Variants in FBXO36 observed in about 807,000 individuals in gnomAD.
FBXO36 encodes the protein F-box protein 36.
In FBXO36, 18 loss-of-function variants were observed where a neutral mutation model predicts 17.0. The ratio of observed to expected loss-of-function variants is 1.06; its 90% CI spans 0.73 to 1.57. The LOEUF (loss-of-function observed/expected upper bound fraction) is 1.57. FBXO36 is among the 40% of genes most tolerant of loss of function. The probability of loss-of-function intolerance (pLI) is 0.00; values close to 1 mark genes in which losing one functional copy is unlikely to be tolerated. For missense variants in FBXO36, 229 were observed against 221.9 expected (o/e 1.03, Z -0.20); for synonymous variants, 83 against 85.3 (o/e 0.97, Z 0.15).
intron 1 of FBXO36, among the ~76,000 whole-genome samples, chr2:229,925,528 A>T (rs2076907844): frequency 1.3e-5 from 2 of 152,078 alleles, no homozygotes; most frequent in African/African-American, 4.8e-5. Context: ...TTTCTTGTAC[A>T]TTTCCTCCCC....
chr2:229,938,215 TC>T (rs2076975909), intron 1 of FBXO36, among the ~76,000 whole-genome samples: 2 of 124,798 alleles, frequency 1.6e-5, no homozygotes, highest in East Asian at 2.4e-4. Context: ...GATACAACTT[TC>T]TTTTTTTTTT....
chr2:229,933,256 T>TAGAGTCCTATA (rs1454898046), intron 1 of FBXO36, among the ~76,000 whole-genome samples: 1 of 151,896 alleles, frequency 6.6e-6, no homozygotes, highest in Non-Finnish European at 1.5e-5. Flanking sequence ...GGCGTGGCGG[T>TAGAGTCCTATA]AGAGTCCTAT....
rs373235674 is a variant in FBXO36 at position 229,983,168 on chromosome 2, G to A, written c.205+6819G>A. Among the ~76,000 whole-genome samples the A allele has an allele frequency of 1.2e-4, 18 of 152,034 alleles. 1 individual carries two copies. The highest frequency in any genetic ancestry group is 7.2e-4 in the Admixed American group (11 of 15,238). On this transcript the variant is annotated intron_variant, in intron 2 of 3. Transcript: ENST00000283946. ...AGGTGGGTGGATCACCTGTGGCCGG[G>A]AGTTCGAGACCAGCCTGACCAACAT...
intron 2 of FBXO36, among the ~76,000 whole-genome samples, chr2:229,987,323 G>A (rs1026604430): frequency 2.0e-5 from 3 of 151,308 alleles, no homozygotes; most frequent in African/African-American, 7.3e-5. Context: ...GTTGTAATCT[G>A]TTCATAATAT....
intron 1 of FBXO36, among the ~76,000 whole-genome samples, chr2:229,951,723 C>T (rs1165135910): frequency 6.6e-6 from 1 of 152,172 alleles, no homozygotes; most frequent in African/African-American, 2.4e-5. Context: ...AGTTGGTCTG[C>T]TCTCTTGGGG....
intron 2 of FBXO36, among the ~76,000 whole-genome samples, chr2:229,995,612 G>GTTTTTT (rs2077322663): frequency 2.5e-5 from 2 of 79,064 alleles, no homozygotes; most frequent in Non-Finnish European, 5.2e-5. Context: ...TTTTTTTTTG[G>GTTTTTT]ACAGAATTTC....
intron 1 of FBXO36, among the ~76,000 whole-genome samples, chr2:229,965,128 A>G (rs2077144395): frequency 7.0e-6 from 1 of 143,186 alleles, no homozygotes; most frequent in African/African-American, 2.5e-5. Flanking sequence ...TAATACGCAG[A>G]CCCTTTCTTT....
chr2:229,963,824 A>C (rs1157700801), intron 1 of FBXO36, among the ~76,000 whole-genome samples: 1 of 152,164 alleles, frequency 6.6e-6, no homozygotes, highest in African/African-American at 2.4e-5. Context: ...CACAGGATGA[A>C]AGCATCCATA....
At position 229,953,060 on chromosome 2, in the gene FBXO36, G is replaced by A. The variant is rs192125847; in HGVS notation, c.97-23181G>A. On this transcript the variant is annotated intron_variant, in intron 1 of 3. Coordinates refer to ENST00000283946, the MANE Select transcript of FBXO36 (RefSeq NM_174899.5). ...TTGCCTATTTGAAAAGAAAACGGCC[G>A]GGTGCGGTGGCTCACGCCTGTAATC... is the stretch of plus-strand genomic sequence containing the variant. Among the ~76,000 whole-genome samples the A allele has an allele frequency of 5.9e-5, 9 of 152,284 alleles. No homozygotes were observed. In the East Asian group the frequency reaches 7.7e-4, roughly 13 times the overall value.
chr2:229,996,660 A>G, intron 2 of FBXO36, 91 bp from the exon 3 acceptor site: 1 of 1,362,666 alleles, frequency 7.3e-7, no homozygotes, highest in Non-Finnish European at 1.0e-6. Context: ...CTCCCAGGGG[A>G]AAAATGCCCT....
At chr2:229,993,833 C>T (rs973477969) in intron 2 of FBXO36, among the ~76,000 whole-genome samples, 2 of 152,042 alleles carry the variant, frequency 1.3e-5, no homozygotes, top group Non-Finnish European at 2.9e-5. Flanking sequence ...TGCAGTGGCA[C>T]GATCTCAGCT....
At chr2:229,940,506 C>G (rs1404723876) in intron 1 of FBXO36, among the ~76,000 whole-genome samples, 1 of 152,008 alleles carries the variant, frequency 6.6e-6, no homozygotes, top group African/African-American at 2.4e-5. Context: ...ATTATGTCTC[C>G]CCCCAAAAAG....
intron 1 of FBXO36, among the ~76,000 whole-genome samples, chr2:229,962,458 A>G (rs1352120004): frequency 2.0e-5 from 3 of 151,350 alleles, no homozygotes; most frequent in Non-Finnish European, 2.9e-5. Flanking sequence ...TGCCTCCCAA[A>G]TAGCTGGCAC....
At chr2:229,968,547 T>C (rs2077165145) in intron 1 of FBXO36, among the ~76,000 whole-genome samples, 1 of 152,166 alleles carries the variant, frequency 6.6e-6, no homozygotes, top group Admixed American at 6.6e-5. Context: ...CACTCACTGC[T>C]GCCTTGACCT....
chr2:229,963,409 G>C (rs1199173345), intron 1 of FBXO36, among the ~76,000 whole-genome samples: 1 of 148,008 alleles, frequency 6.8e-6, no homozygotes, highest in Non-Finnish European at 1.5e-5. Context: ...CCTCAATGAA[G>C]AAACTTATAC....
chr2:230,006,218 C>T (rs552677811), intron 3 of FBXO36, among the ~76,000 whole-genome samples: 3 of 151,692 alleles, frequency 2.0e-5, no homozygotes, highest in African/African-American at 7.3e-5. Context: ...GCCTCAGCCT[C>T]CCAAGTAGCT....
At chr2:229,960,554 C>T (rs1227854727) in intron 1 of FBXO36, among the ~76,000 whole-genome samples, 1 of 151,778 alleles carries the variant, frequency 6.6e-6, no homozygotes, top group African/African-American at 2.4e-5. Flanking sequence ...GCACTGGTGC[C>T]GTCATAGCTC....
At chr2:230,002,731 T>C (rs566585681) in intron 3 of FBXO36, among the ~76,000 whole-genome samples, 2 of 152,310 alleles carry the variant, frequency 1.3e-5, no homozygotes, top group African/African-American at 2.4e-5. Context: ...ACAAAAACTA[T>C]CCTTATCCAA....
chr2:229,931,503 A>T (rs924269116), intron 1 of FBXO36, among the ~76,000 whole-genome samples: 1 of 152,198 alleles, frequency 6.6e-6, no homozygotes, highest in African/African-American at 2.4e-5. Context: ...CAGCATAAGA[A>T]GGTTACTAGT....
Sources: gnomAD v4.1 joint callset for allele counts (sites outside exome capture counted in the v4.1 genomes callset) on GRCh38, gnomAD v4.1.1 for gene constraint, MANE v1.5 for transcripts, NCBI Gene and HGNC (gene_info 2026-07-23, HGNC 2026-07-21) for gene names.